Variants in MRPS28 observed in about 807,000 individuals in gnomAD.
MRPS28 encodes the protein small ribosomal subunit protein bS1m.
A neutral mutation model predicts 10.8 loss-of-function variants in MRPS28; 7 were observed. The ratio of observed to expected loss-of-function variants is 0.65; its 90% CI spans 0.37 to 1.22. MRPS28 has a LOEUF of 1.22. Among genes scored for constraint, MRPS28 ranks in the 50% most tolerant of loss-of-function variants. The pLI, the probability that MRPS28 is intolerant of heterozygous loss-of-function variation, is 0.02. For missense variants in MRPS28, 265 were observed against 232.9 expected (o/e 1.14, Z -0.90); for synonymous variants, 121 against 93.3 (o/e 1.30, Z -1.71).
Position 79,956,336 on chromosome 8 carries a change from C to T in MRPS28, c.396-37188G>A, listed in dbSNP as rs564589889. 10 of 152,088 alleles carry T rather than the reference C, an allele frequency of 6.6e-5. No individual in the cohort carries two copies. In the South Asian group the frequency reaches 1.9e-3, roughly 28 times the overall value. The allele number at this position is 152,088 out of a possible 1,614,324, so 9.4% of individuals were successfully genotyped here. ...AATGTTTCATCTGGTAGAATGCTAA[C>T]TTTGAATAGATTTTATTTCTTATAC... On this transcript the variant is annotated intron_variant, in intron 2 of 2. Transcript: ENST00000276585.
At chr8:80,007,266 G>A (rs949813385) in intron 1 of MRPS28, among the ~76,000 whole-genome samples, 1 of 152,190 alleles carries the variant, frequency 6.6e-6, no homozygotes, top group East Asian at 1.9e-4. Flanking sequence ...TTGATGGCAC[G>A]TATCTCAAAA....
chr8:79,946,073 TA>T (rs1402976320), intron 2 of MRPS28, among the ~76,000 whole-genome samples: 1 of 152,168 alleles, frequency 6.6e-6, no homozygotes, highest in African/African-American at 2.4e-5. Context: ...GCAAGGTCCT[TA>T]AGATGTAAAC....
intron 1 of MRPS28, among the ~76,000 whole-genome samples, chr8:80,006,496 A>G (rs929095518): frequency 2.0e-5 from 3 of 152,206 alleles, no homozygotes; most frequent in Admixed American, 2.0e-4. Context: ...GTTTTTTGAA[A>G]GGATCAACAA....
At chr8:79,934,507 T>C (rs990860590) in intron 2 of MRPS28, among the ~76,000 whole-genome samples, 1 of 152,214 alleles carries the variant, frequency 6.6e-6, no homozygotes, top group Non-Finnish European at 1.5e-5. Flanking sequence ...AAAGTTTACA[T>C]TTTAACCTTA....
chr8:79,950,734 G>A (rs2129968601), intron 2 of MRPS28, among the ~76,000 whole-genome samples: 1 of 152,294 alleles, frequency 6.6e-6, no homozygotes, highest in Non-Finnish European at 1.5e-5. Context: ...CACACCAGCT[G>A]ACCTTTAAGA....
At chr8:79,951,449 C>A (rs1056349076) in intron 2 of MRPS28, among the ~76,000 whole-genome samples, 2 of 152,130 alleles carry the variant, frequency 1.3e-5, no homozygotes, top group Admixed American at 1.3e-4. Flanking sequence ...AGGCAGCAAT[C>A]CCTTGGGTTG....
At chr8:79,964,603 C>A (rs891814290) in intron 2 of MRPS28, among the ~76,000 whole-genome samples, 1 of 152,016 alleles carries the variant, frequency 6.6e-6, no homozygotes, top group Admixed American at 6.6e-5. Context: ...TTACATAACC[C>A]CTCCAGTGTC....
intron 1 of MRPS28, among the ~76,000 whole-genome samples, chr8:80,027,414 CCGA>C (rs1409946429): frequency 6.6e-6 from 1 of 152,190 alleles, no homozygotes; most frequent in Non-Finnish European, 1.5e-5. Flanking sequence ...CTGAACTGAG[CCGA>C]AGCTTTTAAC....
At chr8:80,026,498 A>C (rs539545181) in intron 1 of MRPS28, among the ~76,000 whole-genome samples, 34 of 152,352 alleles carry the variant, frequency 2.2e-4, no homozygotes, top group African/African-American at 7.9e-4. Context: ...CTGAAGTTCA[A>C]ATATGCACTA....
intron 2 of MRPS28, among the ~76,000 whole-genome samples, chr8:79,930,198 G>C (rs1344029790): frequency 6.6e-6 from 1 of 152,218 alleles, no homozygotes; most frequent in Admixed American, 6.5e-5. Context: ...CAGCTAAGTT[G>C]TGTTTCAGAT....
chr8:79,967,427 T>G (rs1436435731), intron 2 of MRPS28, among the ~76,000 whole-genome samples: 1 of 152,194 alleles, frequency 6.6e-6, no homozygotes, highest in East Asian at 1.9e-4. Context: ...TCCAGGGGAC[T>G]TGGATTGGTT....
At chr8:79,968,619 T>C (rs1807556572) in intron 2 of MRPS28, among the ~76,000 whole-genome samples, 1 of 152,048 alleles carries the variant, frequency 6.6e-6, no homozygotes, top group South Asian at 2.1e-4. Flanking sequence ...CAACACATTA[T>C]GCCCTTTAAG....
chr8:80,028,458 G>T (rs1017437278), intron 1 of MRPS28, among the ~76,000 whole-genome samples: 1 of 151,910 alleles, frequency 6.6e-6, no homozygotes, highest in African/African-American at 2.4e-5. Context: ...ATATATGGTA[G>T]AAAGAATAAT....
Position 79,937,839 on chromosome 8 carries a change from G to A in MRPS28, c.396-18691C>T, listed in dbSNP as rs561060607. Among the ~76,000 whole-genome samples the A allele has an allele frequency of 9.2e-5, 14 of 152,192 alleles. No individual in the cohort carries two copies. In the South Asian group the frequency reaches 2.9e-3, roughly 32 times the overall value. On this transcript the variant is annotated intron_variant, in intron 2 of 2. Coordinates refer to ENST00000276585, the MANE Select transcript of MRPS28 (RefSeq NM_014018.3). ...CTGTTAAATAAATGAGAGACACAGG[G>A]CTGTACTCTATTAAGTGACACCAGC...
chr8:80,004,518 A>T (rs1014393631), intron 1 of MRPS28, among the ~76,000 whole-genome samples: 1 of 152,224 alleles, frequency 6.6e-6, no homozygotes, highest in Admixed American at 6.5e-5. Flanking sequence ...AAGGTAGATA[A>T]AACAACAAAG....
intron 1 of MRPS28, among the ~76,000 whole-genome samples, chr8:80,009,594 C>T (rs1403790344): frequency 2.0e-5 from 3 of 150,840 alleles, no homozygotes; most frequent in African/African-American, 4.9e-5. Context: ...CCAGCCTGGG[C>T]AACAAGAGCC....
intron 1 of MRPS28, among the ~76,000 whole-genome samples, chr8:80,024,917 A>G (rs988557655): frequency 6.6e-6 from 1 of 152,222 alleles, no homozygotes; most frequent in African/African-American, 2.4e-5. Flanking sequence ...GCATTCAAAA[A>G]CAGTTTCATC....
At chr8:79,953,228 T>C (rs1327882880) in intron 2 of MRPS28, among the ~76,000 whole-genome samples, 1 of 152,118 alleles carries the variant, frequency 6.6e-6, no homozygotes, top group Non-Finnish European at 1.5e-5. Context: ...GCGTATTCCA[T>C]GACACAAGGG....
intron 1 of MRPS28, among the ~76,000 whole-genome samples, chr8:80,009,346 A>G (rs1459416486): frequency 6.6e-6 from 1 of 152,142 alleles, no homozygotes; most frequent in Non-Finnish European, 1.5e-5. Flanking sequence ...TAATGGGTGC[A>G]GCACACCAAC....
Sources: allele counts gnomAD v4.1 joint callset (sites outside exome capture counted in the v4.1 genomes callset), GRCh38; gene constraint gnomAD v4.1.1; transcripts MANE v1.5; gene names NCBI Gene and HGNC (gene_info 2026-07-23, HGNC 2026-07-21).